Variants in COL4A2 observed in about 807,000 individuals in gnomAD.
COL4A2 encodes collagen type IV alpha 2 chain.
COL4A2 carries 99 observed loss-of-function variants against 200.2 expected under a neutral mutation model. The ratio of observed to expected loss-of-function variants is 0.49; its 90% CI spans 0.42 to 0.58. The LOEUF (loss-of-function observed/expected upper bound fraction) is 0.58, where lower values mean the gene tolerates loss of function less well. Among genes scored for constraint, COL4A2 ranks in the 20% least tolerant of loss-of-function variants. COL4A2 has a pLI of 0.00. For synonymous variants in COL4A2, 897 were observed against 900.6 expected (o/e 1.00, Z 0.07); for missense variants, 1,950 against 2,314.1 (o/e 0.84, Z 3.23).
chr13:110,400,103 C>G (rs1408769721), intron 4 of COL4A2, among the ~76,000 whole-genome samples: 1 of 151,674 alleles, frequency 6.6e-6, no homozygotes, highest in Admixed American at 6.6e-5. Flanking sequence ...CTTCTGCAAC[C>G]TCACTAACTA....
intron 15 of COL4A2, 118 bp downstream of exon 15, chr13:110,438,786 C>A (rs1029674078): frequency 1.1e-5 from 12 of 1,125,912 alleles, no homozygotes; most frequent in Non-Finnish European, 1.4e-5. Context: ...ATAGAGATTT[C>A]CCGTTATTAC....
Position 110,307,824 on chromosome 13 carries a change from A to C in COL4A2, c.-44-36A>C, listed in dbSNP as rs1884830738. On this transcript the variant is annotated intron_variant, in intron 1 of 47. Transcript: ENST00000360467. The surrounding 1 kb of genome is among the most constrained non-coding windows in gnomAD (Gnocchi z 5.0). ...GCGGTGAGGATGGGCTGCCTCCCTC[A>C]TCCTGCGCTAAACTCGCTTTGTCTG... 1 of 1,518,584 alleles carries C rather than the reference A, an allele frequency of 6.6e-7. No individual in the cohort carries two copies. The highest frequency in any genetic ancestry group is 8.9e-7 in the Non-Finnish European group (1 of 1,124,842). 94.1% of individuals were successfully genotyped at this position (1,518,584 alleles called of 1,614,324 possible).
chr13:110,316,919 T>C (rs150393912), intron 3 of COL4A2, among the ~76,000 whole-genome samples: 9 of 152,126 alleles, frequency 5.9e-5, no homozygotes, highest in Non-Finnish European at 8.8e-5. Context: ...GTAGAAAATA[T>C]GTTATCAATC....
chr13:110,394,667 G>A lies in COL4A2; in HGVS notation c.181-30067G>A, dbSNP rs115027038. Among the ~76,000 whole-genome samples, 11 of 152,288 alleles carry A rather than the reference G, an allele frequency of 7.2e-5. No individual in the cohort carries two copies. In the East Asian group the frequency reaches 1.9e-3, roughly 27 times the overall value. On this transcript the variant is annotated intron_variant, in intron 4 of 47. Coordinates refer to ENST00000360467, the MANE Select transcript of COL4A2 (RefSeq NM_001846.4). ...TTGTTCTCGCCTTGCCATTTGCCACGCTTCAGTCAGTCTTGTTTCCCACAC... is the reference window on the plus strand; with the variant it reads ...TTGTTCTCGCCTTGCCATTTGCCACACTTCAGTCAGTCTTGTTTCCCACAC...
intron 21 of COL4A2, 162 bp downstream of exon 21, chr13:110,457,597 A>G (rs763378735): frequency 1.4e-6 from 1 of 701,658 alleles, no homozygotes; most frequent in East Asian, 2.8e-5. Context: ...ACTGAGAGGG[A>G]GGCGCATGGA....
intron 4 of COL4A2, among the ~76,000 whole-genome samples, chr13:110,382,456 A>C (rs1878528188): frequency 6.6e-6 from 1 of 152,222 alleles, no homozygotes. Flanking sequence ...GTATCAAAAC[A>C]GGTGCTGGAG....
rs1443623156 is a variant in COL4A2 at position 110,458,808 on chromosome 13, A to AT, written c.1470_1471insT (p.Ala491CysfsTer68). On this transcript the variant is annotated frameshift_variant, in exon 22 of 48. Transcript: ENST00000360467. LOFTEE classifies it high-confidence loss of function. ...AATGCAGATGTACAGAAGGCGACGA[A>AT]GCTATCAAAGGTCTTCCGGGACTGC... The AT allele has an allele frequency of 6.2e-7, 1 of 1,613,942 alleles. No individual in the cohort carries two copies. The highest frequency in any genetic ancestry group is 1.7e-5 in the Admixed American group (1 of 60,006).
At chr13:110,505,173 A>AC (rs1883810390) in intron 45 of COL4A2, among the ~76,000 whole-genome samples, 2 of 150,746 alleles carry the variant, frequency 1.3e-5, no homozygotes, top group East Asian at 2.0e-4. Flanking sequence ...ACACGGTGAA[A>AC]CCCCGTCTCT....
intron 4 of COL4A2, among the ~76,000 whole-genome samples, chr13:110,374,193 T>G (rs537219062): frequency 6.6e-6 from 1 of 152,318 alleles, no homozygotes; most frequent in East Asian, 1.9e-4. Context: ...GGGAGCACTT[T>G]ACATCCATTC....
Position 110,450,319 on chromosome 13 carries a change from C to G in COL4A2, c.1204C>G (p.Leu402Val). The change falls in exon 20 of 48, where the codon CTG (leucine) becomes GTG (valine). Residue 402 changes from leucine to valine, a missense_variant. Leu to Val is a conservative substitution (Grantham distance 32). Transcript: ENST00000360467. ...TTTGGTTTCAGATCAGAGGAGAGGC[C>G]TGCCGGGTGAGATGGGACCCAAGGG... Reference protein sequence around the residue: ...SIGDGDQRRGLPGEMGPKGFI... With the variant: ...SIGDGDQRRGVPGEMGPKGFI... The G allele has an allele frequency of 6.2e-7, 1 of 1,613,850 alleles. No homozygotes were observed. The highest frequency in any genetic ancestry group is 8.5e-7 in the Non-Finnish European group (1 of 1,179,846).
chr13:110,446,949 CAG>C (rs1594218797), intron 18 of COL4A2, 85 bp downstream of exon 18: 1 of 1,137,536 alleles, frequency 8.8e-7, no homozygotes, highest in Non-Finnish European at 1.2e-6. Context: ...ACTTTCAAGA[CAG>C]ATATTCTAAG....
intron 3 of COL4A2, among the ~76,000 whole-genome samples, chr13:110,345,396 C>T (rs1876652432): frequency 6.6e-6 from 1 of 152,098 alleles, no homozygotes; most frequent in African/African-American, 2.4e-5. Context: ...GGGAGCAGAA[C>T]CCCAGTCGGC....
At chr13:110,387,653 C>T (rs1490717831) in intron 4 of COL4A2, among the ~76,000 whole-genome samples, 1 of 152,246 alleles carries the variant, frequency 6.6e-6, no homozygotes, top group Non-Finnish European at 1.5e-5. Context: ...AGGTGGCTTC[C>T]GGGATCTGGA....
chr13:110,457,301 G>A lies in COL4A2; in HGVS notation c.1340-42G>A, dbSNP rs201033293. ...CCTGCGTCTGCGTGGGACCCCAGGC[G>A]TCCGTGGGGCTCATGCCCTGCATCT... On this transcript the variant is annotated intron_variant, in intron 20 of 47. Coordinates refer to ENST00000360467, the MANE Select transcript of COL4A2 (RefSeq NM_001846.4). 430 of 1,233,458 alleles carry A rather than the reference G, an allele frequency of 3.5e-4. 2 individuals are homozygous for A. The highest frequency in any genetic ancestry group is 4.5e-4 in the Non-Finnish European group (379 of 835,386). The allele number at this position is 1,233,458 out of a possible 1,614,324, so 76.4% of individuals were successfully genotyped here. A position where few individuals can be genotyped will look rare whatever the true frequency, so the allele number is the denominator to read the frequency against.
intron 16 of COL4A2, among the ~76,000 whole-genome samples, chr13:110,441,993 C>T (rs770786894): frequency 5.7e-5 from 8 of 141,282 alleles, no homozygotes; most frequent in East Asian, 2.0e-4. Context: ...GGCTGAGGCA[C>T]GAGAATTGCT....
rs1566575730 is a variant in COL4A2, at chr13:110,509,297, A to AC, written c.4881+1076_4881+1077insC. 2.8e-3 allele frequency among the ~76,000 whole-genome samples: 399 copies of AC among 141,826 alleles called. 4 individuals are homozygous for AC. Among genetic ancestry groups the AC allele is most frequent in the African/African-American group, 9.9e-3 (385 of 38,978 alleles). The allele number at this position is 141,826 out of a possible 152,430, so 93.0% of individuals were successfully genotyped here. ...CACACACACACACACACACACACAC[A>AC]ACATAAAATATAAATTACATAGTGA... is the stretch of plus-strand genomic sequence containing the variant. On this transcript the variant is annotated intron_variant, in intron 47 of 47. Coordinates refer to ENST00000360467, the MANE Select transcript of COL4A2 (RefSeq NM_001846.4).
intron 22 of COL4A2, chr13:110,459,661 G>A (rs1453837935): frequency 1.3e-5 from 2 of 152,126 alleles, no homozygotes; most frequent in Non-Finnish European, 2.9e-5. Flanking sequence ...AAGAGTGATG[G>A]TTGCACAACC....
At chr13:110,489,820 C>T (rs1883227656) in intron 36 of COL4A2, 35 bp downstream of exon 36, 6 of 1,587,036 alleles carry the variant, frequency 3.8e-6, no homozygotes, top group Non-Finnish European at 5.1e-6. Context: ...TCATCTTCAA[C>T]AACAGCCCTG....
intron 16 of COL4A2, among the ~76,000 whole-genome samples, chr13:110,443,789 G>A (rs970828620): frequency 3.9e-5 from 6 of 152,180 alleles, no homozygotes; most frequent in African/African-American, 1.4e-4. Context: ...GGTCCTTCCC[G>A]GGGTGGTTGC....
Sources: gnomAD v4.1 joint callset for allele counts (sites outside exome capture counted in the v4.1 genomes callset) on GRCh38, gnomAD v4.1.1 for gene constraint, Gnocchi (gnomAD v3.1) non-coding constraint, MANE v1.5 for transcripts, NCBI Gene and HGNC (gene_info 2026-07-23, HGNC 2026-07-21) for gene names.